The following ATP2B2 variants were observed in gnomAD, a reference collection of about 807,000 sequenced individuals.
ATP2B2 encodes plasma membrane calcium-transporting ATPase 2.
A neutral mutation model predicts 120.0 loss-of-function variants in ATP2B2; 15 were observed. The observed-to-expected ratio is 0.12, with a 90% CI of 0.08 to 0.19. ATP2B2 has a LOEUF of 0.19. ATP2B2 is among the 10% of genes least tolerant of loss of function. ATP2B2 has a pLI of 1.00. For missense variants in ATP2B2, 1,045 were observed against 1,719.8 expected (o/e 0.61, Z 6.94); for synonymous variants, 694 against 700.3 (o/e 0.99, Z 0.14).
At chr3:10,573,924 T>C (rs2068186215) in intron 2 of ATP2B2, among the ~76,000 whole-genome samples, 1 of 152,164 alleles carries the variant, frequency 6.6e-6, no homozygotes, top group Non-Finnish European at 1.5e-5. Flanking sequence ...AGATCCTTTC[T>C]GGTCTCTCAC....
intron 2 of ATP2B2, among the ~76,000 whole-genome samples, chr3:10,438,286 G>A (rs1233342243): frequency 1.3e-5 from 2 of 152,208 alleles, no homozygotes; most frequent in African/African-American, 4.8e-5. Flanking sequence ...GTGTGCTGAA[G>A]GGGGAGGCCC....
rs2059904164 is a variant in ATP2B2, at chr3:10,328,708, T to G, written c.*106A>C. On this transcript the variant is annotated 3_prime_UTR_variant, in exon 23 of 23. Transcript: ENST00000360273. Reference sequence around the variant, plus strand: ...TCTCCAGTATTTGGTTTCCGATTGTTGCTCGTTGCTGCTTGGGTGAGTTGG... The same window carrying G: ...TCTCCAGTATTTGGTTTCCGATTGTGGCTCGTTGCTGCTTGGGTGAGTTGG... 1 of 1,202,802 alleles carries G rather than the reference T, an allele frequency of 8.3e-7. No homozygotes were observed. The highest frequency in any genetic ancestry group is 1.5e-5 in the African/African-American group (1 of 64,732). 74.5% of individuals were successfully genotyped at this position (1,202,802 alleles called of 1,614,324 possible).
chr3:10,515,740 G>A (rs2066864362), intron 3 of ATP2B2, among the ~76,000 whole-genome samples: 1 of 152,182 alleles, frequency 6.6e-6, no homozygotes. Flanking sequence ...TCCCCCTTCT[G>A]AGCCTGGTTT....
chr3:10,648,394 C>T (rs187571443), intron 1 of ATP2B2, among the ~76,000 whole-genome samples: 2 of 152,352 alleles, frequency 1.3e-5, no homozygotes, highest in East Asian at 3.9e-4. Flanking sequence ...AAACACCTTT[C>T]TCCTCCCAGC....
Position 10,340,558 on chromosome 3 carries a change from C to T in ATP2B2, c.3064G>A (p.Val1022Ile). The change falls in exon 20 of 23, where the codon GTC (valine) becomes ATC (isoleucine). Residue 1022 changes from valine (V) to isoleucine (I), a missense_variant. Val to Ile is a conservative substitution (Grantham distance 29). Transcript: ENST00000360273. The surrounding 1 kb of genome is among the most constrained non-coding windows in gnomAD (Gnocchi z 5.0). ...GGGTTCCGGAAGATGCCGTCAAAGA[C>T]ATTGCGCTCGCCGTGGATCTTGCGG... is the stretch of plus-strand genomic sequence containing the variant. ...NARKIHGERN[V>I]FDGIFRNPIF... 1 of 1,614,238 alleles carries T rather than the reference C, an allele frequency of 6.2e-7. No individual in the cohort carries two copies. The highest frequency in any genetic ancestry group is 8.5e-7 in the Non-Finnish European group (1 of 1,180,036).
intron 2 of ATP2B2, among the ~76,000 whole-genome samples, chr3:10,431,473 TG>T: frequency 6.6e-6 from 1 of 152,308 alleles, no homozygotes; most frequent in Admixed American, 6.5e-5. Flanking sequence ...CGACTTGCTG[TG>T]GGCTCAGACA....
chr3:10,706,054 T>A (rs1034987891), intron 1 of ATP2B2, among the ~76,000 whole-genome samples: 1 of 152,348 alleles, frequency 6.6e-6, no homozygotes, highest in East Asian at 1.9e-4. Flanking sequence ...AATGAGTGTG[T>A]CTCTGAGAGT....
At chr3:10,556,323 C>T (rs1330021088) in intron 2 of ATP2B2, among the ~76,000 whole-genome samples, 1 of 152,226 alleles carries the variant, frequency 6.6e-6, no homozygotes, top group African/African-American at 2.4e-5. Flanking sequence ...GTATTAGGCT[C>T]TCCACTAGCA....
At chr3:10,661,597 A>G (rs1205728626) in intron 1 of ATP2B2, among the ~76,000 whole-genome samples, 1 of 152,260 alleles carries the variant, frequency 6.6e-6, no homozygotes, top group African/African-American at 2.4e-5. Flanking sequence ...ATGAAATAAA[A>G]GAGGACACAA....
intron 2 of ATP2B2, among the ~76,000 whole-genome samples, chr3:10,617,846 C>T (rs965179331): frequency 2.0e-5 from 3 of 151,542 alleles, no homozygotes; most frequent in Non-Finnish European, 2.9e-5. Context: ...CAAGGGAGCA[C>T]GAGCTGGTGT....
intron 1 of ATP2B2, among the ~76,000 whole-genome samples, chr3:10,462,119 C>T (rs2125239407): frequency 6.6e-6 from 1 of 152,318 alleles, no homozygotes; most frequent in African/African-American, 2.4e-5. Context: ...TTCACCCTAA[C>T]ATGGGTGGTT....
At chr3:10,457,085 G>A (rs1317970427) in intron 1 of ATP2B2, among the ~76,000 whole-genome samples, 1 of 152,204 alleles carries the variant, frequency 6.6e-6, no homozygotes, top group Non-Finnish European at 1.5e-5. Context: ...GCATGCCAAT[G>A]TGAGTGTGCT....
intron 5 of ATP2B2, among the ~76,000 whole-genome samples, chr3:10,392,658 C>G (rs1262682689): frequency 6.6e-6 from 1 of 152,244 alleles, no homozygotes; most frequent in Non-Finnish European, 1.5e-5. Flanking sequence ...CCCCCACCTC[C>G]TCTAACTGCC....
chr3:10,474,513 G>A (rs1196007496), intron 1 of ATP2B2, among the ~76,000 whole-genome samples: 1 of 152,222 alleles, frequency 6.6e-6, no homozygotes, highest in Non-Finnish European at 1.5e-5. Context: ...GCCATTAGAG[G>A]TCAGGTAGAG....
chr3:10,350,366 C>A (rs1229600850), intron 15 of ATP2B2, 32 bp downstream of exon 15: 6 of 1,614,098 alleles, frequency 3.7e-6, no homozygotes, highest in Middle Eastern at 1.6e-4. Flanking sequence ...TGAGCGCGTT[C>A]CCCTGAGGAT....
rs571085880 is a variant in ATP2B2 at position 10,346,561 on chromosome 3, G to A, written c.2405-424C>T. Among the ~76,000 whole-genome samples the A allele has an allele frequency of 1.6e-4, 24 of 152,360 alleles. No individual in the cohort carries two copies. Among genetic ancestry groups the A allele is most frequent in the Middle Eastern group, 3.4e-3 (1 of 294 alleles). On this transcript the variant is annotated intron_variant, in intron 16 of 22. Transcript: ENST00000360273. The surrounding 1 kb of genome is among the most constrained non-coding windows in gnomAD (Gnocchi z 4.1). ...CTAGCCAGCACTTTCTCCCTGGGGA[G>A]TCCAGGCTTGCTGAGGAGGCCTTGG...
At chr3:10,666,116 T>C (rs2070925473) in intron 1 of ATP2B2, among the ~76,000 whole-genome samples, 1 of 152,304 alleles carries the variant, frequency 6.6e-6, no homozygotes, top group South Asian at 2.1e-4. Flanking sequence ...CACCCCTGGC[T>C]GCCCTACCTG....
chr3:10,394,504 A>G (rs1180950127), intron 5 of ATP2B2: 1 of 470,852 alleles, frequency 2.1e-6, no homozygotes, highest in Non-Finnish European at 4.4e-6. Flanking sequence ...TGCTCTATCC[A>G]CTACACCCCG....
chr3:10,412,058 G>A (rs1006083443), intron 2 of ATP2B2, among the ~76,000 whole-genome samples: 4 of 152,162 alleles, frequency 2.6e-5, no homozygotes, highest in Non-Finnish European at 4.4e-5. Context: ...CTTCTGACCC[G>A]CAACCTGTGT....
Sources: gnomAD v4.1 joint callset for allele counts (sites outside exome capture counted in the v4.1 genomes callset) on GRCh38, gnomAD v4.1.1 for gene constraint, Gnocchi (gnomAD v3.1) non-coding constraint, MANE v1.5 for transcripts, NCBI Gene and HGNC (gene_info 2026-07-23, HGNC 2026-07-21) for gene names.